The following SIN3A variants were observed in gnomAD, a reference collection of about 807,000 sequenced individuals.
SIN3A encodes paired amphipathic helix protein Sin3a.
A neutral mutation model predicts 146.1 loss-of-function variants in SIN3A; 14 were observed. That is an observed-to-expected ratio of 0.10 (90% CI 0.06 to 0.15). The LOEUF is 0.15. Among genes scored for constraint, SIN3A ranks in the 10% least tolerant of loss-of-function variants. SIN3A has a pLI of 1.00. For synonymous variants in SIN3A, 572 were observed against 572.0 expected, an observed-to-expected ratio of 1.00 and a Z score of 0.00; for missense variants, 1,028 against 1,576.0, an observed-to-expected ratio of 0.65 and a Z score of 5.89.
At chr15:75,442,410 C>T (rs974773735) in intron 1 of SIN3A, among the ~76,000 whole-genome samples, 8 of 150,230 alleles carry the variant, frequency 5.3e-5, no homozygotes, top group African/African-American at 1.5e-4. Flanking sequence ...TGGGCTCAAG[C>T]GATCCTCCCA....
At chr15:75,419,648 C>T (rs1318175461) in intron 3 of SIN3A, 2 of 150,670 alleles carry the variant, frequency 1.3e-5, no homozygotes, top group Admixed American at 6.6e-5. Context: ...GGAAAAACCC[C>T]GTCCTAGTAA....
At chr15:75,405,046 G>A (rs1207305858) in intron 9 of SIN3A, among the ~76,000 whole-genome samples, 4 of 151,662 alleles carry the variant, frequency 2.6e-5, no homozygotes, top group Admixed American at 2.6e-4. Context: ...ACTCAGGAGG[G>A]TAAGAAGGAT....
Position 75,410,263 on chromosome 15 carries a change from T to C in SIN3A, c.1032A>G (p.Glu344=), listed in dbSNP as rs1445669895. 6.2e-7 allele frequency: 1 copy of C among 1,613,566 alleles called. No individual in the cohort carries two copies. Among genetic ancestry groups the C allele is most frequent in the Non-Finnish European group, 8.5e-7 (1 of 1,179,882 alleles). The change falls in exon 7 of 21, where the codon GAA becomes GAG. Residue 344 remains glutamate (E), a synonymous_variant. Coordinates refer to ENST00000394947, the MANE Select transcript of SIN3A (RefSeq NM_001145358.2). ...TYQKEQRNAK[E]AGGNYTPALT... is the part of the protein sequence containing the mutation. Reference sequence around the variant, plus strand: ...ATGCTGGAGTGTAGTTTCCTCCAGCTTCCTTGGCATTTCTCTGCTCTTTCT... The same window carrying C: ...ATGCTGGAGTGTAGTTTCCTCCAGCCTCCTTGGCATTTCTCTGCTCTTTCT...
chr15:75,430,013 G>C (rs1270966712), intron 2 of SIN3A, 174 bp downstream of exon 2: 2 of 602,006 alleles, frequency 3.3e-6, no homozygotes, highest in African/African-American at 3.8e-5. Context: ...CAAAGGTCAT[G>C]ACAACATTCT....
chr15:75,406,673 G>A (rs1476612439), intron 9 of SIN3A, among the ~76,000 whole-genome samples: 2 of 151,912 alleles, frequency 1.3e-5, no homozygotes, highest in African/African-American at 4.8e-5. Flanking sequence ...GGGCGACAGC[G>A]AGACTCCGTC....
At chr15:75,402,001 T>C in intron 9 of SIN3A, 31 bp from the exon 10 acceptor site, 2 of 1,416,434 alleles carry the variant, frequency 1.4e-6, no homozygotes, top group Non-Finnish European at 2.0e-6. Context: ...AAAAACAGTT[T>C]TTGTTTTTCT....
chr15:75,373,166 T>G (rs760411697), intron 20 of SIN3A, among the ~76,000 whole-genome samples: 2 of 152,144 alleles, frequency 1.3e-5, no homozygotes, highest in African/African-American at 2.4e-5. Flanking sequence ...AAACTGGTGT[T>G]GCCCAGTGTC....
chr15:75,387,658 C>T (rs1372408647), intron 16 of SIN3A, among the ~76,000 whole-genome samples: 4 of 146,016 alleles, frequency 2.7e-5, no homozygotes, highest in South Asian at 2.1e-4. Flanking sequence ...ACTATTGTTT[C>T]GAAAACCAAC....
chr15:75,399,878 T>C (rs1398751723), intron 12 of SIN3A, among the ~76,000 whole-genome samples, 162 bp downstream of exon 12: 2 of 152,234 alleles, frequency 1.3e-5, no homozygotes, highest in Non-Finnish European at 1.5e-5. Context: ...ATATATACAT[T>C]TGACCAATGC....
intron 8 of SIN3A, among the ~76,000 whole-genome samples, chr15:75,409,030 C>G (rs1222778268): frequency 6.6e-6 from 1 of 152,032 alleles, no homozygotes; most frequent in East Asian, 1.9e-4. Flanking sequence ...ATGGCGAAAC[C>G]CCATCTCTAC....
intron 3 of SIN3A, chr15:75,421,817 A>G (rs151278477): frequency 6.6e-6 from 1 of 152,328 alleles, no homozygotes; most frequent in East Asian, 1.9e-4. Flanking sequence ...GAAAAGTAAC[A>G]TTCAAGTGGT....
intron 8 of SIN3A, among the ~76,000 whole-genome samples, chr15:75,409,203 CA>C (rs200575330): frequency 7.6e-5 from 11 of 145,090 alleles, no homozygotes; most frequent in African/African-American, 1.8e-4. Flanking sequence ...GACTCCATCT[CA>C]AAAAAAAAAG....
chr15:75,389,607 A>G, intron 16 of SIN3A, 45 bp downstream of exon 16: 1 of 1,595,002 alleles, frequency 6.3e-7, no homozygotes, highest in Non-Finnish European at 8.6e-7. Flanking sequence ...ATCTCTAGGT[A>G]AGGATTTCTT....
intron 2 of SIN3A, among the ~76,000 whole-genome samples, chr15:75,428,499 AAATT>A (rs968801155): frequency 4.6e-5 from 7 of 151,920 alleles, no homozygotes; most frequent in African/African-American, 1.5e-4. Flanking sequence ...TTATTTTTTC[AAATT>A]AATTAATTAA....
chr15:75,387,855 C>T (rs1450957609), intron 16 of SIN3A, among the ~76,000 whole-genome samples: 1 of 152,154 alleles, frequency 6.6e-6, no homozygotes, highest in Non-Finnish European at 1.5e-5. Context: ...AAAAGTATGA[C>T]TATGGGTGAC....
intron 1 of SIN3A, among the ~76,000 whole-genome samples, chr15:75,445,495 C>T (rs1020136832): frequency 6.0e-5 from 9 of 150,082 alleles, no homozygotes; most frequent in African/African-American, 2.2e-4. Flanking sequence ...GTGGAGGTTG[C>T]AGTGAGCTGA....
At position 75,371,333 on chromosome 15, in the gene SIN3A, C is replaced by T. The variant is rs982374481; in HGVS notation, c.*646G>A. 1 of 152,372 alleles carries T rather than the reference C, an allele frequency of 6.6e-6. No homozygotes were observed. The highest frequency in any genetic ancestry group is 1.5e-5 in the Non-Finnish European group (1 of 68,036). The allele number at this position is 152,372 out of a possible 1,614,324, so 9.4% of individuals were successfully genotyped here. On this transcript the variant is annotated 3_prime_UTR_variant, in exon 21 of 21. Transcript: ENST00000394947. ...CTAAAAAGGACAACTGATTTGAACT[C>T]GTTGAGGTTGAGAACCAGAGGAGAG...
At chr15:75,407,495 TCTC>T (rs910039964) in intron 8 of SIN3A, among the ~76,000 whole-genome samples, 2 of 152,114 alleles carry the variant, frequency 1.3e-5, no homozygotes, top group African/African-American at 4.8e-5. Context: ...ACTGTTTTGT[TCTC>T]CTACCAGCTG....
At chr15:75,376,575 G>A (rs1243830043) in intron 19 of SIN3A, among the ~76,000 whole-genome samples, 1 of 152,082 alleles carries the variant, frequency 6.6e-6, no homozygotes, top group African/African-American at 2.4e-5. Flanking sequence ...TAAAAACACT[G>A]CTTCAGGTTG....
Sources: gnomAD v4.1 joint callset for allele counts (sites outside exome capture counted in the v4.1 genomes callset) on GRCh38, gnomAD v4.1.1 for gene constraint, MANE v1.5 for transcripts, NCBI Gene and HGNC (gene_info 2026-07-23, HGNC 2026-07-21) for gene names.